The following SUMF1 variants were observed in gnomAD, a reference collection of about 807,000 sequenced individuals.
SUMF1 encodes the protein formylglycine-generating enzyme.
A neutral mutation model predicts 47.6 loss-of-function variants in SUMF1; 48 were observed. That is an observed-to-expected ratio of 1.01 (90% CI 0.80 to 1.28). The LOEUF is 1.28. Among genes scored for constraint, SUMF1 ranks in the 50% most tolerant of loss-of-function variants. SUMF1 has a pLI of 0.00. For synonymous variants in SUMF1, 230 were observed against 192.1 expected, an observed-to-expected ratio of 1.20 and a Z score of -1.63; for missense variants, 571 against 485.4, an observed-to-expected ratio of 1.18 and a Z score of -1.66.
intron 8 of SUMF1, among the ~76,000 whole-genome samples, chr3:4,203,963 T>C (rs889433553): frequency 1.9e-5 from 2 of 104,730 alleles, no homozygotes; most frequent in Non-Finnish European, 4.0e-5. Context: ...GTAGTTATTA[T>C]TTTTGATAAG....
chr3:4,281,908 A>G (rs1031553414), intron 8 of SUMF1, among the ~76,000 whole-genome samples: 38 of 152,282 alleles, frequency 2.5e-4, no homozygotes, highest in African/African-American at 8.9e-4. Context: ...TCTTCAAAAA[A>G]ACAACAAAAA....
intron 8 of SUMF1, among the ~76,000 whole-genome samples, chr3:4,206,065 T>G (rs996402676): frequency 6.6e-6 from 1 of 152,040 alleles, no homozygotes; most frequent in African/African-American, 2.4e-5. Flanking sequence ...ATCTAGGAAC[T>G]AGGGCCTGAA....
intron 4 of SUMF1, among the ~76,000 whole-genome samples, 186 bp from the exon 5 acceptor site, chr3:4,418,318 G>A (rs1198864995): frequency 6.6e-6 from 1 of 152,160 alleles, no homozygotes; most frequent in Non-Finnish European, 1.5e-5. Flanking sequence ...GACAACCCAG[G>A]CTCCCAAATG....
rs577396929 is a variant in SUMF1, at chr3:4,440,004, C to T, written c.519+9262G>A. Among the ~76,000 whole-genome samples the T allele has an allele frequency of 2.1e-4, 32 of 152,130 alleles. No individual in the cohort carries two copies. The East Asian group carries it at 2.7e-3, about 13-fold the overall frequency. ...ATCCCAGCACTTTGGGAGGCCGAGG[C>T]GGGTGGATCACGTGAGGTCAGAAAT... On this transcript the variant is annotated intron_variant, in intron 3 of 8. Coordinates refer to ENST00000272902, the MANE Select transcript of SUMF1 (RefSeq NM_182760.4).
chr3:4,250,377 G>C (rs921254327), intron 8 of SUMF1, among the ~76,000 whole-genome samples: 1 of 152,036 alleles, frequency 6.6e-6, no homozygotes, highest in Non-Finnish European at 1.5e-5. Flanking sequence ...TCTAGCAGAC[G>C]TTGGCTCATG....
At chr3:4,264,136 T>C (rs759649334) in intron 8 of SUMF1, among the ~76,000 whole-genome samples, 2 of 152,196 alleles carry the variant, frequency 1.3e-5, no homozygotes, top group African/African-American at 2.4e-5. Flanking sequence ...CTCCTCGCTA[T>C]AATCTGACTT....
chr3:4,259,848 A>G (rs1262920037), intron 8 of SUMF1, among the ~76,000 whole-genome samples: 1 of 152,048 alleles, frequency 6.6e-6, no homozygotes, highest in East Asian at 1.9e-4. Context: ...AAAACAACCC[A>G]TAATTTACTA....
intron 8 of SUMF1, among the ~76,000 whole-genome samples, chr3:4,176,386 A>G (rs1363030558): frequency 6.6e-6 from 1 of 152,214 alleles, no homozygotes; most frequent in Admixed American, 6.5e-5. Context: ...CCAATATTCA[A>G]CGTTCTTAAA....
intron 8 of SUMF1, among the ~76,000 whole-genome samples, chr3:4,201,805 C>G (rs1335551880): frequency 6.6e-6 from 1 of 151,814 alleles, no homozygotes; most frequent in Admixed American, 6.6e-5. Context: ...CATGTCTTTT[C>G]GATGAAAGCC....
intron 8 of SUMF1, among the ~76,000 whole-genome samples, chr3:4,306,789 T>G (rs1285165793): frequency 1.3e-5 from 2 of 152,246 alleles, no homozygotes; most frequent in African/African-American, 2.4e-5. Context: ...ACTTTCAAGA[T>G]AAAAATAACT....
chr3:4,166,064 G>C (rs956249568), intron 8 of SUMF1, among the ~76,000 whole-genome samples: 1 of 152,080 alleles, frequency 6.6e-6, no homozygotes, highest in African/African-American at 2.4e-5. Flanking sequence ...GAGGACCAAT[G>C]AAGGTCAGAT....
chr3:4,212,696 C>T (rs930614670), intron 8 of SUMF1, among the ~76,000 whole-genome samples: 7 of 152,184 alleles, frequency 4.6e-5, no homozygotes, highest in East Asian at 3.9e-4. Context: ...ACTAGAATAA[C>T]CAGTTTACAG....
intron 8 of SUMF1, chr3:4,304,004 C>CT (rs1446523657): frequency 2.4e-6 from 1 of 422,200 alleles, no homozygotes. Flanking sequence ...GTGGCTCAGC[C>CT]TTAGAGTCTT....
chr3:4,462,929 C>T (rs911844683), intron 1 of SUMF1, among the ~76,000 whole-genome samples: 4 of 152,198 alleles, frequency 2.6e-5, no homozygotes, highest in African/African-American at 9.7e-5. Context: ...TCAGTTGCCT[C>T]ATCTGTAAAG....
At chr3:4,068,734 G>T (rs963200147) in exon 9 of SUMF1, 2 of 419,944 alleles carry the variant, frequency 4.8e-6, no homozygotes, top group South Asian at 1.7e-5. Context: ...AGGGATCATA[G>T]TACTCTTGGG....
At chr3:4,466,881 T>C in intron 1 of SUMF1, 95 bp downstream of exon 1, 1 of 1,522,614 alleles carries the variant, frequency 6.6e-7, no homozygotes, top group Non-Finnish European at 8.9e-7. Context: ...GTTATAACCT[T>C]TACTTCCCTT....
intron 8 of SUMF1, among the ~76,000 whole-genome samples, chr3:4,150,237 G>A (rs1694287244): frequency 6.8e-6 from 1 of 147,498 alleles, no homozygotes; most frequent in South Asian, 2.1e-4. Context: ...GGGACTGCAG[G>A]GGTGTGCCAC....
intron 8 of SUMF1, among the ~76,000 whole-genome samples, chr3:4,271,488 T>C (rs1481970864): frequency 6.6e-6 from 1 of 151,326 alleles, no homozygotes; most frequent in Non-Finnish European, 1.5e-5. Context: ...GATAGATAGA[T>C]AGATAGATAG....
Position 4,467,106 on chromosome 3 carries a change from G to T in SUMF1, c.140C>A (p.Ala47Glu), listed in dbSNP as rs779961693. ...AGTGAGAGSLAGSCGCGTPQR... is the reference protein window; with the variant it reads ...AGTGAGAGSLEGSCGCGTPQR... ...GGGCGTGCCGCAGCCGCAAGAACCC[G>T]CAAGGGACCCCGCGCCCGCACCGGT... The change falls in exon 1 of 9, where the codon GCG becomes GAG. Residue 47 changes from alanine (A) to glutamate (E), a missense_variant. Transcript: ENST00000272902. 11 of 1,562,702 alleles carry T rather than the reference G, an allele frequency of 7.0e-6. No individual in the cohort carries two copies. The East Asian group carries it at 1.2e-4, about 17-fold the overall frequency.
Sources: gnomAD v4.1 joint callset for allele counts (sites outside exome capture counted in the v4.1 genomes callset) on GRCh38, gnomAD v4.1.1 for gene constraint, MANE v1.5 for transcripts, NCBI Gene and HGNC (gene_info 2026-07-23, HGNC 2026-07-21) for gene names.